The following SRRD variants were observed in gnomAD, a reference collection of about 807,000 sequenced individuals.
SRRD encodes SRR1-like protein.
A neutral mutation model predicts 30.7 loss-of-function variants in SRRD; 28 were observed. The ratio of observed to expected loss-of-function variants is 0.91; its 90% CI spans 0.68 to 1.25. The LOEUF is 1.25. Ranked by LOEUF, SRRD falls within the 50% of genes most tolerant of loss-of-function variation. The probability of loss-of-function intolerance (pLI) is 0.00; values close to 1 mark genes in which losing one functional copy is unlikely to be tolerated. For synonymous variants in SRRD, 161 were observed against 159.6 expected (o/e 1.01, Z -0.07); for missense variants, 415 against 417.3 (o/e 0.99, Z 0.05).
intron 4 of SRRD, among the ~76,000 whole-genome samples, chr22:26,489,558 TCAGA>T (rs778929894): frequency 1.3e-5 from 2 of 151,776 alleles, no homozygotes; most frequent in East Asian, 1.9e-4. Context: ...TGGGCAAGGG[TCAGA>T]CAAAGGGCCT....
intron 4 of SRRD, among the ~76,000 whole-genome samples, chr22:26,489,698 C>T (rs1920977849): frequency 6.6e-6 from 1 of 152,112 alleles, no homozygotes; most frequent in Admixed American, 6.5e-5. Context: ...GTGTGGATTA[C>T]TGAACACAGG....
At position 26,494,128 on chromosome 22, in the gene SRRD, T is replaced by TTC; in HGVS notation, c.*2456_*2457insTC. 2 of 1,611,776 alleles carry TTC rather than the reference T, an allele frequency of 1.2e-6. No individual in the cohort carries two copies. Among genetic ancestry groups the TTC allele is most frequent in the Admixed American group, 1.7e-5 (1 of 59,940 alleles). ...GGGGCCAGGACATCCAAAATGGGAA[T>TTC]CCTCACTTACCAACGTTGGAGGACA... is the stretch of plus-strand genomic sequence containing the variant. On this transcript the variant is annotated 3_prime_UTR_variant, in exon 7 of 7. Transcript: ENST00000215917.
chr22:26,486,192 T>G, intron 2 of SRRD, 129 bp downstream of exon 2: 1 of 960,794 alleles, frequency 1.0e-6, no homozygotes, highest in Non-Finnish European at 1.6e-6. Context: ...TACAGCTGTA[T>G]GTCTTTTGGC....
chr22:26,488,488 G>A lies in SRRD; in HGVS notation c.609G>A (p.Glu203=). The A allele has an allele frequency of 6.2e-7, 1 of 1,611,538 alleles. No individual in the cohort carries two copies. ...TLGVTVLSEN[E]EGKRSIRGEP... is the part of the protein sequence containing the mutation. The stretch of plus-strand genomic sequence containing the variant: ...GTGTGACTGTTCTCAGTGAGAACGA[G>A]GTAAGTGGTTTAAAGGGGAGCAGAC... The change falls in exon 4 of 7, where the codon GAG becomes GAA. Residue 203 remains glutamate, a splice_region_variant and synonymous_variant. Coordinates refer to ENST00000215917, the MANE Select transcript of SRRD (RefSeq NM_001013694.3).
chr22:26,489,113 A>C (rs1238553185), intron 4 of SRRD, among the ~76,000 whole-genome samples: 2 of 152,218 alleles, frequency 1.3e-5, no homozygotes, highest in Non-Finnish European at 2.9e-5. Context: ...GTGTGTGCTG[A>C]AACTGCCATC....
rs1164947012 is a variant in SRRD at position 26,484,039 on chromosome 22, G to T, written c.149G>T (p.Gly50Val). Residue 50 changes from glycine (G) to valine (V), a missense_variant, in exon 1 of 7, where the codon GGC becomes GTC. Coordinates refer to ENST00000215917, the MANE Select transcript of SRRD (RefSeq NM_001013694.3). The stretch of plus-strand genomic sequence containing the variant: ...CGGGGGAGAGAGGCGGCGCCCCGGG[G>T]CCCCGAGGCGGAGTTCGAGTCTGAC... ...APRGREAAPRGPEAEFESDSG... is the reference protein window; with the variant it reads ...APRGREAAPRVPEAEFESDSG... The T allele has an allele frequency of 1.4e-6, 2 of 1,389,734 alleles. No individual in the cohort carries two copies. The highest frequency in any genetic ancestry group is 1.3e-5 in the South Asian group (1 of 74,278). The allele number at this position is 1,389,734 out of a possible 1,614,324, so 86.1% of individuals were successfully genotyped here. A position where few individuals can be genotyped will look rare whatever the true frequency, so the allele number is the denominator to read the frequency against.
chr22:26,489,969 T>C, intron 4 of SRRD, 75 bp from the exon 5 acceptor site: 1 of 1,546,236 alleles, frequency 6.5e-7, no homozygotes. Context: ...ATTATCCCCA[T>C]CCTTACCTCT....
At chr22:26,486,138 T>C (rs893002414) in intron 2 of SRRD, 75 bp downstream of exon 2, 2 of 1,591,242 alleles carry the variant, frequency 1.3e-6, no homozygotes, top group South Asian at 1.1e-5. Context: ...GACATTTTGC[T>C]TCACAGAGGG....
chr22:26,486,914 CTTTTTTT>C (rs57889671), intron 2 of SRRD, among the ~76,000 whole-genome samples: 18 of 128,876 alleles, frequency 1.4e-4, no homozygotes, highest in South Asian at 4.9e-4. Context: ...GTCTTTGCTG[CTTTTTTT>C]TTTTTTTTTT....
At chr22:26,491,096 G>C (rs1365815236) in intron 6 of SRRD, 26 bp downstream of exon 6, 2 of 1,603,342 alleles carry the variant, frequency 1.2e-6, no homozygotes, top group Admixed American at 1.7e-5. Flanking sequence ...AAGGGGCTGG[G>C]ATGGAAAAGG....
chr22:26,489,925 C>T lies in SRRD; in HGVS notation c.610-119C>T, dbSNP rs1920988081. ...GAGTGTAACTGTTCCACAAAATGAG[C>T]TTTTTTCCTTTTGATCCTTTAGTTT... is the stretch of plus-strand genomic sequence containing the variant. On this transcript the variant is annotated intron_variant, in intron 4 of 6. Coordinates refer to ENST00000215917, the MANE Select transcript of SRRD (RefSeq NM_001013694.3). The T allele has an allele frequency of 3.0e-5, 35 of 1,156,480 alleles. No individual in the cohort carries two copies. The South Asian group carries it at 4.9e-4, about 16-fold the overall frequency. The allele number at this position is 1,156,480 out of a possible 1,614,324, so 71.6% of individuals were successfully genotyped here. A position where few individuals can be genotyped will look rare whatever the true frequency, so the allele number is the denominator to read the frequency against.
chr22:26,486,402 T>G (rs950170673), intron 2 of SRRD, among the ~76,000 whole-genome samples: 1 of 152,234 alleles, frequency 6.6e-6, no homozygotes, highest in Non-Finnish European at 1.5e-5. Flanking sequence ...CCTCGTGCAG[T>G]GATAATCTCT....
At chr22:26,490,559 C>CTTTTTGTTTTTTTT (rs1921026657) in intron 5 of SRRD, among the ~76,000 whole-genome samples, 2 of 51,834 alleles carry the variant, frequency 3.9e-5, no homozygotes, top group African/African-American at 7.3e-5. Flanking sequence ...GGAATATTTG[C>CTTTTTGTTTTTTTT]TTTTTTTTTT....
chr22:26,485,910 C>T (rs529390362), intron 1 of SRRD, 113 bp from the exon 2 acceptor site: 5 of 1,260,688 alleles, frequency 4.0e-6, no homozygotes, highest in Non-Finnish European at 5.8e-6. Context: ...AGGGTGGGCC[C>T]TGCATTGCAG....
chr22:26,490,559 C>CTTGTTTTTTTTT (rs1921025577), intron 5 of SRRD, among the ~76,000 whole-genome samples: 1 of 51,834 alleles, frequency 1.9e-5, no homozygotes, highest in Non-Finnish European at 3.4e-5. Context: ...GGAATATTTG[C>CTTGTTTTTTTTT]TTTTTTTTTT....
At chr22:26,484,123 G>A (rs1194893714) in intron 1 of SRRD, 24 bp downstream of exon 1, 1 of 1,525,618 alleles carries the variant, frequency 6.6e-7, no homozygotes, top group South Asian at 1.2e-5. Context: ...CGGCCCTGAT[G>A]GAATCTTTGC....
chr22:26,491,664 A>C lies in SRRD; in HGVS notation c.1012A>C (p.Thr338Pro). 2.5e-6 allele frequency: 4 copies of C among 1,609,764 alleles called. No individual in the cohort carries two copies. The highest frequency in any genetic ancestry group is 3.4e-6 in the Non-Finnish European group (4 of 1,179,956). The part of the protein sequence containing the change: ...IRNKREDPSA[T>P]D Reference sequence around the variant, plus strand: ...GAACAAGAGAGAAGATCCTTCTGCTACTGACTGAACTCGTTGTGAGGTACT... The same window carrying C: ...GAACAAGAGAGAAGATCCTTCTGCTCCTGACTGAACTCGTTGTGAGGTACT... Residue 338 changes from threonine to proline, a missense_variant, in exon 7 of 7, where the codon ACT becomes CCT. Physicochemically the swap from Thr to Pro is conservative, Grantham distance 38. Transcript: ENST00000215917.
Position 26,483,928 on chromosome 22 carries a change from A to C in SRRD, c.38A>C (p.Gln13Pro). ...AAAAAALESW[Q>P]AAAPRKRRSA... The stretch of plus-strand genomic sequence containing the variant: ...GCAGCTGCGGCGCTGGAATCCTGGC[A>C]GGCGGCGGCTCCGCGGAAGAGGCGC... Residue 13 changes from glutamine to proline, a missense_variant, in exon 1 of 7, where the codon CAG (glutamine) becomes CCG (proline). Physicochemically the swap from Gln to Pro is moderately conservative, Grantham distance 76 (BLOSUM62 -1). Transcript: ENST00000215917. 2 of 1,349,582 alleles carry C rather than the reference A, an allele frequency of 1.5e-6. No individual in the cohort carries two copies. The highest frequency in any genetic ancestry group is 3.1e-5 in the East Asian group (1 of 32,314). 83.6% of individuals were successfully genotyped at this position (1,349,582 alleles called of 1,614,324 possible). A position where few individuals can be genotyped will look rare whatever the true frequency, so the allele number is the denominator to read the frequency against.
chr22:26,491,483 G>A lies in SRRD; in HGVS notation c.831G>A (p.Glu277=). 2 of 1,613,350 alleles carry A rather than the reference G, an allele frequency of 1.2e-6. No individual in the cohort carries two copies. The highest frequency in any genetic ancestry group is 8.5e-7 in the Non-Finnish European group (1 of 1,179,916). ...CTCAGATTTTAAAAGGACTGGAGGA[G>A]CTTGAGTTTCCTCAGACTTCACAAT... ...YIAKILKGLE[E]LEFPQTSQYM... is the part of the protein sequence containing the mutation. Residue 277 remains glutamate, a synonymous_variant, in exon 7 of 7, where the codon GAG becomes GAA. Transcript: ENST00000215917.
Sources: gnomAD v4.1 joint callset for allele counts (sites outside exome capture counted in the v4.1 genomes callset) on GRCh38, gnomAD v4.1.1 for gene constraint, MANE v1.5 for transcripts, NCBI Gene and HGNC (gene_info 2026-07-23, HGNC 2026-07-21) for gene names.